Variants in ATP6V0E1 observed in about 807,000 individuals in gnomAD.
The protein encoded by ATP6V0E1 is ATPase H+ transporting V0 subunit e1.
Under a neutral mutation model 11.6 loss-of-function variants are expected in ATP6V0E1, and 4 were observed. The observed-to-expected ratio is 0.35, with a 90% CI of 0.17 to 0.79. ATP6V0E1 has a LOEUF of 0.79. Among genes scored for constraint, ATP6V0E1 ranks in the 30% least tolerant of loss-of-function variants. ATP6V0E1 has a pLI of 0.54. For missense variants in ATP6V0E1, 105 were observed against 100.0 expected, an observed-to-expected ratio of 1.05 and a Z score of -0.21; for synonymous variants, 36 against 34.8, an observed-to-expected ratio of 1.04 and a Z score of -0.13.
intron 3 of ATP6V0E1, among the ~76,000 whole-genome samples, chr5:173,029,462 CT>C (rs1408864726): frequency 2.0e-5 from 3 of 152,026 alleles, no homozygotes; most frequent in Non-Finnish European, 4.4e-5. Context: ...TCCATTCCTC[CT>C]TCAGGCACCC....
intron 1 of ATP6V0E1, among the ~76,000 whole-genome samples, chr5:172,991,113 A>G (rs1755972406): frequency 6.6e-6 from 1 of 152,132 alleles, no homozygotes; most frequent in Non-Finnish European, 1.5e-5. Context: ...TACTGCATCC[A>G]GCTAACTCCC....
chr5:173,027,742 A>G (rs564481031), intron 3 of ATP6V0E1, among the ~76,000 whole-genome samples: 3 of 152,130 alleles, frequency 2.0e-5, no homozygotes, highest in Non-Finnish European at 2.9e-5. Flanking sequence ...GCATGAGCCA[A>G]TGTGCCTGGC....
chr5:173,006,542 G>A (rs948384998), intron 2 of ATP6V0E1, among the ~76,000 whole-genome samples: 5 of 152,030 alleles, frequency 3.3e-5, no homozygotes, highest in Non-Finnish European at 7.3e-5. Flanking sequence ...CCCGGGAGGC[G>A]GAGGTCGCAG....
intron 1 of ATP6V0E1, among the ~76,000 whole-genome samples, chr5:172,993,679 A>ACCCC (rs35327427): frequency 5.0e-4 from 40 of 79,390 alleles, no homozygotes; most frequent in Admixed American, 1.1e-3. Context: ...ACATATTGAG[A>ACCCC]CCCCCCCCCC....
chr5:173,007,900 A>G (rs1448961781), intron 2 of ATP6V0E1, among the ~76,000 whole-genome samples: 1 of 152,152 alleles, frequency 6.6e-6, no homozygotes, highest in East Asian at 1.9e-4. Context: ...CCCTGTCCCC[A>G]TACGAGCAGG....
intron 2 of ATP6V0E1, among the ~76,000 whole-genome samples, chr5:172,999,044 G>T (rs908413500): frequency 7.9e-5 from 12 of 152,116 alleles, no homozygotes; most frequent in Non-Finnish European, 2.9e-5. Context: ...GCTGAGGCAG[G>T]AGAATCACTT....
At position 173,035,234 on chromosome 5, in the gene ATP6V0E1, A is replaced by T. The variant is rs978313921; in HGVS notation, c.*872A>T. 2 of 152,196 alleles carry T rather than the reference A, an allele frequency of 1.3e-5. No homozygotes were observed. Among genetic ancestry groups the T allele is most frequent in the Non-Finnish European group, 2.9e-5 (2 of 68,056 alleles). 9.4% of individuals were successfully genotyped at this position (152,196 alleles called of 1,614,324 possible). A position where few individuals can be genotyped will look rare whatever the true frequency, so the allele number is the denominator to read the frequency against. On this transcript the variant is annotated 3_prime_UTR_variant, in exon 4 of 4. Coordinates refer to ENST00000519374, the MANE Select transcript of ATP6V0E1 (RefSeq NM_003945.4). The stretch of plus-strand genomic sequence containing the variant: ...AGATGGTACCATGGTGAGCAGTTCA[A>T]GGTTACCTGCCAGCTGCAGAACAAG...
rs1756034939 is a variant in ATP6V0E1, at chr5:172,994,777, T to C, written c.107T>C (p.Val36Ala). ...TTTGCATTTTTTTTTTTTTTTAGAGTTATCATTACCATGTTGGTGACCTGT... is the reference window on the plus strand; with the variant it reads ...TTTGCATTTTTTTTTTTTTTTAGAGCTATCATTACCATGTTGGTGACCTGT... ...WFIPKGPNRG[V>A]IITMLVTCSV... The change falls in exon 2 of 4, where the codon GTT becomes GCT. Residue 36 changes from valine to alanine, a missense_variant and splice_region_variant. By Grantham distance (64) the Val-to-Ala change is moderately conservative (BLOSUM62 0). Transcript: ENST00000519374. 3.1e-6 allele frequency: 5 copies of C among 1,590,890 alleles called. No individual in the cohort carries two copies. Among genetic ancestry groups the C allele is most frequent in the Non-Finnish European group, 4.3e-6 (5 of 1,171,610 alleles).
intron 3 of ATP6V0E1, among the ~76,000 whole-genome samples, chr5:173,031,419 CTTT>C (rs564495625): frequency 1.5e-5 from 2 of 129,064 alleles, no homozygotes; most frequent in Non-Finnish European, 3.3e-5. Flanking sequence ...CCTTATGACT[CTTT>C]TTTTTTTTTT....
chr5:173,034,146 A>G (rs1756705221), intron 3 of ATP6V0E1, among the ~76,000 whole-genome samples: 1 of 152,226 alleles, frequency 6.6e-6, no homozygotes, highest in Non-Finnish European at 1.5e-5. Flanking sequence ...AGTCAGCTTC[A>G]TTCTTCCTGC....
chr5:173,020,341 C>G lies in ATP6V0E1; in HGVS notation c.*10C>G, dbSNP rs781724219. On this transcript the variant is annotated 3_prime_UTR_variant, in exon 3 of 4. Coordinates refer to ENST00000519374, the MANE Select transcript of ATP6V0E1 (RefSeq NM_003945.4). Reference sequence around the variant, plus strand: ...GTATCATTGGCCTTGAGGAAGAAGACATGCTCTACAGTGCTCAGTCTTTGA... The same window carrying G: ...GTATCATTGGCCTTGAGGAAGAAGAGATGCTCTACAGTGCTCAGTCTTTGA... 7 of 1,592,318 alleles carry G rather than the reference C, an allele frequency of 4.4e-6. No homozygotes were observed. Among genetic ancestry groups the G allele is most frequent in the Non-Finnish European group, 6.0e-6 (7 of 1,160,222 alleles).
chr5:173,031,600 C>T (rs1275330373), intron 3 of ATP6V0E1, among the ~76,000 whole-genome samples: 3 of 151,262 alleles, frequency 2.0e-5, no homozygotes, highest in Non-Finnish European at 2.9e-5. Context: ...GCGCGGATCA[C>T]GAGGTCAGGA....
intron 2 of ATP6V0E1, among the ~76,000 whole-genome samples, chr5:173,004,921 C>T (rs1019354809): frequency 1.3e-5 from 2 of 152,252 alleles, no homozygotes; most frequent in South Asian, 2.1e-4. Context: ...ATCCTTTCTC[C>T]GTGAAATTGC....
intron 2 of ATP6V0E1, among the ~76,000 whole-genome samples, chr5:173,000,653 G>GA (rs1379840795): frequency 1.3e-5 from 2 of 151,660 alleles, no homozygotes; most frequent in Non-Finnish European, 2.9e-5. Flanking sequence ...TGCTGTGTGT[G>GA]AAAACTTAGA....
rs1476516494 is a variant in ATP6V0E1, at chr5:173,009,464, T to TTC, written c.153-10773_153-10772insCT. ...TCAGGATAGCCACTTCCCTTTTTTT[T>TTC]TTTTTTTTTTTTTTTGAGACAGAGT... On this transcript the variant is annotated intron_variant, in intron 2 of 3. Coordinates refer to ENST00000519374, the MANE Select transcript of ATP6V0E1 (RefSeq NM_003945.4). Among the ~76,000 whole-genome samples the TTC allele has an allele frequency of 1.1e-3, 156 of 144,198 alleles. 1 individual carries two copies. Among genetic ancestry groups the TTC allele is most frequent in the African/African-American group, 4.0e-3 (152 of 38,338 alleles). The allele number at this position is 144,198 out of a possible 152,430, so 94.6% of individuals were successfully genotyped here.
intron 2 of ATP6V0E1, among the ~76,000 whole-genome samples, chr5:173,001,312 C>CA (rs1247344409): frequency 1.3e-5 from 2 of 152,162 alleles, no homozygotes; most frequent in African/African-American, 4.8e-5. Context: ...CATTGCCCTT[C>CA]ATTCACTTCC....
chr5:173,005,982 T>C (rs932898377), intron 2 of ATP6V0E1, among the ~76,000 whole-genome samples: 3 of 152,202 alleles, frequency 2.0e-5, no homozygotes, highest in African/African-American at 7.2e-5. Flanking sequence ...AAGATTTCAG[T>C]CTTTTGAGAT....
At chr5:173,010,751 G>A (rs1456712456) in intron 2 of ATP6V0E1, among the ~76,000 whole-genome samples, 2 of 152,232 alleles carry the variant, frequency 1.3e-5, no homozygotes, top group East Asian at 3.8e-4. Context: ...TGGATCAGAA[G>A]AGAGGTCCTG....
In ATP6V0E1 at chr5:173,002,194, A is replaced by G. The variant is rs113981505; in HGVS notation, c.152+7372A>G. The stretch of plus-strand genomic sequence containing the variant: ...TAAACATTTCAATATGTGTCTCTAA[A>G]TTTTAAAAGTACAACCACAATACCA... On this transcript the variant is annotated intron_variant, in intron 2 of 3. Coordinates refer to ENST00000519374, the MANE Select transcript of ATP6V0E1 (RefSeq NM_003945.4). 3.7e-3 allele frequency among the ~76,000 whole-genome samples: 566 copies of G among 152,328 alleles called. 2 individuals carry two copies. The highest frequency in any genetic ancestry group is 0.013 in the African/African-American group (542 of 41,564).
Sources: allele counts gnomAD v4.1 joint callset (sites outside exome capture counted in the v4.1 genomes callset), GRCh38; gene constraint gnomAD v4.1.1; transcripts MANE v1.5; gene names NCBI Gene and HGNC (gene_info 2026-07-23, HGNC 2026-07-21).